Variants in TMEM237 observed in about 807,000 individuals in gnomAD.
The protein encoded by TMEM237 is amyotrophic lateral sclerosis 2 (juvenile) chromosome region, candidate 4.
Under a neutral mutation model 59.1 loss-of-function variants are expected in TMEM237, and 51 were observed. The ratio of observed to expected loss-of-function variants is 0.86; its 90% CI spans 0.69 to 1.09. The LOEUF (loss-of-function observed/expected upper bound fraction) is 1.09. Among genes scored for constraint, TMEM237 ranks in the 50% least tolerant of loss-of-function variants. The probability of loss-of-function intolerance (pLI) is 0.00; values close to 1 mark genes in which losing one functional copy is unlikely to be tolerated. For synonymous variants in TMEM237, 140 were observed against 166.1 expected (o/e 0.84, Z 1.21); for missense variants, 475 against 478.3 (o/e 0.99, Z 0.06).
intron 8 of TMEM237, 57 bp from the exon 9 acceptor site, chr2:201,629,478 C>T (rs1957789690): frequency 7.0e-7 from 1 of 1,434,536 alleles, no homozygotes; most frequent in Non-Finnish European, 9.2e-7. Flanking sequence ...AAAGCTAAAA[C>T]ATGTTTAAAA....
chr2:201,624,809 T>A (rs1432404538), intron 12 of TMEM237, among the ~76,000 whole-genome samples: 1 of 152,206 alleles, frequency 6.6e-6, no homozygotes, highest in Non-Finnish European at 1.5e-5. Context: ...ACTTACTTTT[T>A]AAATCCACAT....
intron 1 of TMEM237, 42 bp from the exon 2 acceptor site, chr2:201,640,966 G>C (rs764051469): frequency 7.0e-6 from 11 of 1,572,768 alleles, no homozygotes; most frequent in Non-Finnish European, 8.7e-6. Context: ...TAAAAGCCTA[G>C]AGCATCTTTA....
chr2:201,625,043 T>C (rs1342306400), intron 12 of TMEM237, among the ~76,000 whole-genome samples: 1 of 152,074 alleles, frequency 6.6e-6, no homozygotes, highest in Non-Finnish European at 1.5e-5. Flanking sequence ...AAAAATAAAA[T>C]AATAACCAAG....
chr2:201,625,619 A>G (rs1181310518), intron 12 of TMEM237, among the ~76,000 whole-genome samples: 9 of 152,186 alleles, frequency 5.9e-5, no homozygotes, highest in East Asian at 1.9e-4. Flanking sequence ...ATTTGTACCA[A>G]ATAGAGAAGG....
chr2:201,642,763 C>A, intron 1 of TMEM237: 4 of 1,443,968 alleles, frequency 2.8e-6, no homozygotes, highest in Non-Finnish European at 3.6e-6. Flanking sequence ...CAGCGCCCTG[C>A]GGGGATGTTG....
chr2:201,621,522 G>A lies in TMEM237; in HGVS notation c.*2733C>T, dbSNP rs1349975991. 1 of 152,028 alleles carries A rather than the reference G, an allele frequency of 6.6e-6. No homozygotes were observed. Among genetic ancestry groups the A allele is most frequent in the Admixed American group, 6.6e-5 (1 of 15,226 alleles). 9.4% of individuals were successfully genotyped at this position (152,028 alleles called of 1,614,324 possible). A position where few individuals can be genotyped will look rare whatever the true frequency, so the allele number is the denominator to read the frequency against. ...ACCAAACAAAACAGTAAAAGGAAAT[G>A]AACTATTGATACACACAACAGCTGA... is the stretch of plus-strand genomic sequence containing the variant. On this transcript the variant is annotated 3_prime_UTR_variant, in exon 13 of 13. Transcript: ENST00000409883.
Position 201,623,156 on chromosome 2 carries a change from C to G in TMEM237, c.*1099G>C, listed in dbSNP as rs1957725867. ...TATTGTCAGGGTCAACTGTCTCTAT[C>G]ATCAATTTGTCAATCCTCTTCTGTT... On this transcript the variant is annotated 3_prime_UTR_variant, in exon 13 of 13. Coordinates refer to ENST00000409883, the MANE Select transcript of TMEM237 (RefSeq NM_001044385.3). 2.2e-5 allele frequency: 6 copies of G among 276,378 alleles called. No homozygotes were observed. The South Asian group carries it at 2.2e-4, about 10-fold the overall frequency. 17.1% of individuals were successfully genotyped at this position (276,378 alleles called of 1,614,324 possible). A position where few individuals can be genotyped will look rare whatever the true frequency, so the allele number is the denominator to read the frequency against.
chr2:201,627,777 T>C (rs1004044661), intron 10 of TMEM237, among the ~76,000 whole-genome samples: 4 of 152,154 alleles, frequency 2.6e-5, no homozygotes, highest in African/African-American at 4.8e-5. Flanking sequence ...TGTTTGTTAT[T>C]AAAAGGCCAT....
intron 12 of TMEM237, 94 bp from the exon 13 acceptor site, chr2:201,624,416 T>C (rs184078046): frequency 1.3e-4 from 111 of 844,572 alleles, no homozygotes; most frequent in African/African-American, 1.3e-3. Context: ...CTTTAAAAAA[T>C]TGACATAATA....
Position 201,643,274 on chromosome 2 carries a change from G to GGCCCCCCCCCCCC in TMEM237, c.42+84_42+85insGGGGGGGGGGGGC. 2.5e-6 allele frequency: 3 copies of GGCCCCCCCCCCCC among 1,206,752 alleles called. No homozygotes were observed. The highest frequency in any genetic ancestry group is 1.9e-4 in the Middle Eastern group (1 of 5,142). The allele number at this position is 1,206,752 out of a possible 1,614,324, so 74.8% of individuals were successfully genotyped here. A position where few individuals can be genotyped will look rare whatever the true frequency, so the allele number is the denominator to read the frequency against. On this transcript the variant is annotated intron_variant, in intron 1 of 12. Transcript: ENST00000409883. This position sits in a 1 kb window ranked among gnomAD's most constrained non-coding sequence, Gnocchi z 4.3. Reference sequence around the variant, plus strand: ...CCTTAGTGATTCCCAGCTCGTTGGCGCCCCCCCACACACACCCACCCCCAC... The same window carrying GGCCCCCCCCCCCC: ...CCTTAGTGATTCCCAGCTCGTTGGCGGCCCCCCCCCCCCCCCCCCCACACACACCCACCCCCAC...
chr2:201,632,393 C>T (rs184756863), intron 6 of TMEM237, among the ~76,000 whole-genome samples, 185 bp from the exon 7 acceptor site: 1 of 152,288 alleles, frequency 6.6e-6, no homozygotes, highest in African/African-American at 2.4e-5. Context: ...CTGAGGGCTT[C>T]AGTTTTCTCA....
intron 12 of TMEM237, among the ~76,000 whole-genome samples, chr2:201,625,381 A>T (rs1437750187): frequency 6.6e-6 from 1 of 152,122 alleles, no homozygotes; most frequent in Non-Finnish European, 1.5e-5. Flanking sequence ...AAAATAAAAA[A>T]AAAAAGATAT....
chr2:201,639,904 A>G (rs904336807), intron 3 of TMEM237, among the ~76,000 whole-genome samples: 5 of 152,236 alleles, frequency 3.3e-5, no homozygotes, highest in African/African-American at 1.2e-4. Flanking sequence ...ATTAATTAGA[A>G]ATAACCCTGT....
intron 5 of TMEM237, 27 bp downstream of exon 5, chr2:201,636,721 C>A: frequency 6.4e-7 from 1 of 1,554,624 alleles, no homozygotes; most frequent in Non-Finnish European, 8.7e-7. Flanking sequence ...AGTGCTATCA[C>A]AACTTAACCT....
At chr2:201,634,144 C>T (rs951331612) in intron 5 of TMEM237, among the ~76,000 whole-genome samples, 1 of 152,108 alleles carries the variant, frequency 6.6e-6, no homozygotes, top group South Asian at 2.1e-4. Flanking sequence ...TGCCAGCTAA[C>T]GGCCAATCTT....
intron 6 of TMEM237, 36 bp downstream of exon 6, chr2:201,633,275 C>T: frequency 6.4e-7 from 1 of 1,572,636 alleles, no homozygotes; most frequent in Non-Finnish European, 8.6e-7. Context: ...TCAGGGTAAT[C>T]CTGGAGAATA....
chr2:201,628,142 A>G lies in TMEM237; in HGVS notation c.877T>C (p.Phe293Leu). The part of the protein sequence containing the change: ...STISAFDRID[F>L]AKISVAIRNF... Reference sequence around the variant, plus strand: ...CGGATTGCTACTGATATTTTAGCAAAGTCAATCCTAGAAAATATAAAAGTT... The same window carrying G: ...CGGATTGCTACTGATATTTTAGCAAGGTCAATCCTAGAAAATATAAAAGTT... Residue 293 changes from phenylalanine to leucine, a missense_variant, in exon 10 of 13, where the codon TTT becomes CTT. Coordinates refer to ENST00000409883, the MANE Select transcript of TMEM237 (RefSeq NM_001044385.3). The G allele has an allele frequency of 2.5e-6, 4 of 1,600,050 alleles. No homozygotes were observed. The highest frequency in any genetic ancestry group is 2.6e-6 in the Non-Finnish European group (3 of 1,172,516).
rs1440910418 is a variant in TMEM237 at position 201,622,379 on chromosome 2, G to A, written c.*1876C>T. ...ATGGGCAGCACCAGGCCAAAACCAAGGTATCCACAGAGCTGCCTTCCTTTC... is the reference window on the plus strand; with the variant it reads ...ATGGGCAGCACCAGGCCAAAACCAAAGTATCCACAGAGCTGCCTTCCTTTC... On this transcript the variant is annotated 3_prime_UTR_variant, in exon 13 of 13. Coordinates refer to ENST00000409883, the MANE Select transcript of TMEM237 (RefSeq NM_001044385.3). The A allele has an allele frequency of 6.6e-6, 1 of 152,246 alleles. No individual in the cohort carries two copies. The highest frequency in any genetic ancestry group is 1.5e-5 in the Non-Finnish European group (1 of 68,076). The allele number at this position is 152,246 out of a possible 1,614,324, so 9.4% of individuals were successfully genotyped here.
intron 4 of TMEM237, 155 bp downstream of exon 4, chr2:201,638,834 G>A: frequency 1.4e-6 from 1 of 733,104 alleles, no homozygotes; most frequent in Non-Finnish European, 2.3e-6. Context: ...ACCACCACCA[G>A]GAATTCCACT....
Sources: allele counts gnomAD v4.1 joint callset (sites outside exome capture counted in the v4.1 genomes callset), GRCh38; gene constraint gnomAD v4.1.1; non-coding constraint Gnocchi (gnomAD v3.1); transcripts MANE v1.5; gene names NCBI Gene and HGNC (gene_info 2026-07-23, HGNC 2026-07-21).